Variants in RAB38 observed in about 807,000 individuals in gnomAD.
RAB38 encodes the protein RAB38, member RAS oncogene family.
RAB38 carries 15 observed loss-of-function variants against 18.4 expected under a neutral mutation model. The ratio of observed to expected loss-of-function variants is 0.82; its 90% confidence interval spans 0.55 to 1.26. RAB38 has a LOEUF of 1.26. RAB38 is among the 50% of genes most tolerant of loss of function. The pLI, the probability that RAB38 is intolerant of heterozygous loss-of-function variation, is 0.00. For missense variants in RAB38, 294 were observed against 267.4 expected (o/e 1.10, Z -0.69); for synonymous variants, 101 against 104.4 (o/e 0.97, Z 0.20).
the RAB38 span, among the ~76,000 whole-genome samples, chr11:87,941,727 T>C: frequency 6.6e-6 from 1 of 152,178 alleles, no homozygotes; most frequent in African/African-American, 2.4e-5. Context: ...AAGTGTTCTC[T>C]TTTTAAAAAA....
At chr11:87,950,544 T>C in the RAB38 span, among the ~76,000 whole-genome samples, 1 of 152,230 alleles carries the variant, frequency 6.6e-6, no homozygotes, top group Non-Finnish European at 1.5e-5. Context: ...TTTCCATGTT[T>C]AGTGCTTCCT....
chr11:87,931,045 C>T, the RAB38 span, among the ~76,000 whole-genome samples: 64 of 152,142 alleles, frequency 4.2e-4, no homozygotes, highest in African/African-American at 1.3e-3. Flanking sequence ...CTTGGCAATG[C>T]GGGTTCTTTT....
At chr11:88,023,502 C>T in the RAB38 span, among the ~76,000 whole-genome samples, 6 of 151,802 alleles carry the variant, frequency 4.0e-5, no homozygotes, top group Non-Finnish European at 8.8e-5. Flanking sequence ...CAATTAATTC[C>T]CTATCAAGAT....
chr11:88,026,300 A>G, the RAB38 span, among the ~76,000 whole-genome samples: 154 of 151,822 alleles, frequency 1.0e-3, no homozygotes, highest in African/African-American at 3.6e-3. Context: ...GCGCTGGCTC[A>G]CACCTGTAAT....
At chr11:87,973,754 C>G in the RAB38 span, among the ~76,000 whole-genome samples, 1 of 151,930 alleles carries the variant, frequency 6.6e-6, no homozygotes, top group Non-Finnish European at 1.5e-5. Flanking sequence ...GGGCAGAGAC[C>G]TAAATGAAAA....
chr11:87,905,757 TGC>T, the RAB38 span, among the ~76,000 whole-genome samples: 1 of 151,920 alleles, frequency 6.6e-6, no homozygotes, highest in Non-Finnish European at 1.5e-5. Flanking sequence ...ATCCTGTGTG[TGC>T]ATACTTTAAT....
chr11:88,076,727 T>C, the RAB38 span, among the ~76,000 whole-genome samples: 1 of 149,766 alleles, frequency 6.7e-6, no homozygotes, highest in African/African-American at 2.5e-5. Context: ...CTGAGGTGGG[T>C]GGATCACCTG....
At chr11:88,023,394 C>T in the RAB38 span, among the ~76,000 whole-genome samples, 1 of 150,836 alleles carries the variant, frequency 6.6e-6, no homozygotes, top group African/African-American at 2.4e-5. Context: ...TGATAAAAAT[C>T]TAAAAGAATA....
chr11:87,953,348 T>G, the RAB38 span, among the ~76,000 whole-genome samples: 1 of 152,210 alleles, frequency 6.6e-6, no homozygotes, highest in Non-Finnish European at 1.5e-5. Flanking sequence ...GATACTTCAA[T>G]TCTTTCCAGC....
chr11:88,009,857 T>G, the RAB38 span, among the ~76,000 whole-genome samples: 1 of 152,160 alleles, frequency 6.6e-6, no homozygotes, highest in Non-Finnish European at 1.5e-5. Context: ...TTATTAGAAA[T>G]GCATAGAACC....
the RAB38 span, among the ~76,000 whole-genome samples, chr11:87,849,632 T>C: frequency 6.6e-6 from 1 of 152,152 alleles, no homozygotes; most frequent in African/African-American, 2.4e-5. Flanking sequence ...CCTGTGAATA[T>C]CTTTGGGTGT....
downstream of RAB38, among the ~76,000 whole-genome samples, chr11:88,111,184 G>A (rs1229812077): frequency 1.3e-5 from 2 of 152,158 alleles, no homozygotes; most frequent in African/African-American, 4.8e-5. Context: ...ATCCCTGAGA[G>A]TATGAGTCCC....
At chr11:87,878,348 ATCTG>A in the RAB38 span, among the ~76,000 whole-genome samples, 4 of 149,114 alleles carry the variant, frequency 2.7e-5, no homozygotes, top group Admixed American at 6.8e-5. Context: ...TCTATCTATC[ATCTG>A]TCTATCTATC....
the RAB38 span, among the ~76,000 whole-genome samples, chr11:87,961,390 G>C: frequency 6.6e-6 from 1 of 152,164 alleles, no homozygotes; most frequent in Admixed American, 6.5e-5. Flanking sequence ...TCAGTGTCCT[G>C]AGCTGGCTGG....
the RAB38 span, among the ~76,000 whole-genome samples, chr11:87,904,601 A>G: frequency 6.6e-6 from 1 of 151,644 alleles, no homozygotes; most frequent in African/African-American, 2.4e-5. Context: ...AATATCCAGT[A>G]ATGAGATTCC....
chr11:87,955,873 G>GCACACACA, the RAB38 span, among the ~76,000 whole-genome samples: 207 of 148,616 alleles, frequency 1.4e-3, 2 homozygotes, highest in African/African-American at 4.9e-3. Flanking sequence ...CAAACAGTAT[G>GCACACACA]CACACACACA....
intron 2 of RAB38, among the ~76,000 whole-genome samples, chr11:88,131,701 C>G (rs1482228623): frequency 6.6e-6 from 1 of 152,198 alleles, no homozygotes; most frequent in Non-Finnish European, 1.5e-5. Context: ...TGCCCAGAAA[C>G]TAATATGACA....
At chr11:88,046,764 C>T in the RAB38 span, among the ~76,000 whole-genome samples, 3 of 152,296 alleles carry the variant, frequency 2.0e-5, no homozygotes, top group South Asian at 4.1e-4. Flanking sequence ...GTTTTGCCAT[C>T]GTAATAAAAC....
At chr11:87,921,851 G>A in the RAB38 span, among the ~76,000 whole-genome samples, 2 of 151,754 alleles carry the variant, frequency 1.3e-5, no homozygotes, top group Non-Finnish European at 2.9e-5. Flanking sequence ...CCATTTTGAA[G>A]CAGCACATTG....
Sources: allele counts gnomAD v4.1 joint callset (sites outside exome capture counted in the v4.1 genomes callset), GRCh38; gene constraint gnomAD v4.1.1; transcripts MANE v1.5; gene names NCBI Gene and HGNC (gene_info 2026-07-23, HGNC 2026-07-21).